The following SMAD9 variants were observed in gnomAD, a reference collection of about 807,000 sequenced individuals.
The protein encoded by SMAD9 is SMAD family member 9, also known as MAD homolog 9.
A neutral mutation model predicts 46.1 loss-of-function variants in SMAD9; 36 were observed. The ratio of observed to expected loss-of-function variants is 0.78; its 90% CI spans 0.60 to 1.03. The LOEUF is 1.03. Ranked by LOEUF, SMAD9 falls within the 50% of genes least tolerant of loss-of-function variation. The pLI is 0.00. For missense variants in SMAD9, 572 were observed against 599.8 expected (o/e 0.95, Z 0.48); for synonymous variants, 245 against 237.1 (o/e 1.03, Z -0.31).
intron 5 of SMAD9, among the ~76,000 whole-genome samples, chr13:36,860,715 A>C (rs769062724): frequency 2.0e-5 from 3 of 151,492 alleles, no homozygotes; most frequent in Admixed American, 1.3e-4. Context: ...GTCCTCCCAA[A>C]GTGCTGGGAT....
chr13:36,848,863 C>G (rs768386109), intron 6 of SMAD9, 44 bp from the exon 7 acceptor site: 1 of 1,606,448 alleles, frequency 6.2e-7, no homozygotes, highest in Non-Finnish European at 8.5e-7. Context: ...CACACTTACA[C>G]TCAGCCTCCA....
At chr13:36,886,056 T>C (rs920204560) in intron 1 of SMAD9, among the ~76,000 whole-genome samples, 3 of 152,158 alleles carry the variant, frequency 2.0e-5, no homozygotes, top group African/African-American at 4.8e-5. Context: ...ATATTGACTA[T>C]CTTCATGATA....
intron 1 of SMAD9, among the ~76,000 whole-genome samples, chr13:36,898,138 G>C (rs1314690466): frequency 6.6e-6 from 1 of 152,048 alleles, no homozygotes; most frequent in Non-Finnish European, 1.5e-5. Flanking sequence ...GATTACAGGA[G>C]TGAGCCACTG....
chr13:36,860,214 C>T (rs1423056271), intron 5 of SMAD9, among the ~76,000 whole-genome samples: 2 of 151,932 alleles, frequency 1.3e-5, no homozygotes, highest in Non-Finnish European at 2.9e-5. Flanking sequence ...ATCCTTATGT[C>T]AAGATAATTC....
chr13:36,868,251 G>A (rs1397356356), intron 3 of SMAD9, among the ~76,000 whole-genome samples: 1 of 152,214 alleles, frequency 6.6e-6, no homozygotes, highest in East Asian at 1.9e-4. Flanking sequence ...TAGGTCAGTG[G>A]TTGAATGTAG....
chr13:36,850,789 C>T (rs1325506562), intron 6 of SMAD9, among the ~76,000 whole-genome samples: 1 of 152,228 alleles, frequency 6.6e-6, no homozygotes, highest in Non-Finnish European at 1.5e-5. Flanking sequence ...AACCTCTCTC[C>T]CCGAATCCAG....
In SMAD9 at chr13:36,867,355, G is replaced by T; in HGVS notation, c.699C>A (p.Ala233=). ...CACTCTGGGTCTCAGAGGCTTCTGT[G>T]GCATGATAAGGCAGGGGTGGTGTGT... ...SVDTPPLPYH[A]TEASETQSGQ... Residue 233 remains alanine, a synonymous_variant, in exon 4 of 7, where the codon GCC becomes GCA. Coordinates refer to ENST00000379826, the MANE Select transcript of SMAD9 (RefSeq NM_001127217.3). 6.4e-7 allele frequency: 1 copy of T among 1,550,732 alleles called. No individual in the cohort carries two copies. The highest frequency in any genetic ancestry group is 8.7e-7 in the Non-Finnish European group (1 of 1,146,496).
intron 1 of SMAD9, among the ~76,000 whole-genome samples, chr13:36,886,607 G>C (rs980301256): frequency 2.6e-5 from 4 of 152,270 alleles, no homozygotes; most frequent in African/African-American, 9.6e-5. Context: ...GCCCTGCCCA[G>C]TGGGGAGCAA....
intron 3 of SMAD9, among the ~76,000 whole-genome samples, chr13:36,871,124 T>C (rs2058289393): frequency 6.6e-6 from 1 of 152,236 alleles, no homozygotes; most frequent in Non-Finnish European, 1.5e-5. Context: ...ACTGCACCTC[T>C]AGCACTGGCC....
At chr13:36,884,923 G>T (rs1231611326) in intron 1 of SMAD9, among the ~76,000 whole-genome samples, 1 of 152,170 alleles carries the variant, frequency 6.6e-6, no homozygotes, top group African/African-American at 2.4e-5. Flanking sequence ...CAGCCCAGGG[G>T]GTCAGGGAGC....
At chr13:36,861,320 AT>A (rs879623278) in intron 5 of SMAD9, among the ~76,000 whole-genome samples, 68 of 147,524 alleles carry the variant, frequency 4.6e-4, no homozygotes, top group Middle Eastern at 3.6e-3. Flanking sequence ...AATAAAAAGA[AT>A]TTTTTTTTTT....
intron 5 of SMAD9, 25 bp from the exon 6 acceptor site, chr13:36,853,700 C>A: frequency 6.2e-7 from 1 of 1,612,896 alleles, no homozygotes; most frequent in African/African-American, 1.3e-5. Context: ...ACACAGCCTT[C>A]CTTCACATGC....
chr13:36,908,924 C>CCA (rs1197440228), intron 1 of SMAD9, among the ~76,000 whole-genome samples: 30 of 152,078 alleles, frequency 2.0e-4, no homozygotes, highest in Admixed American at 1.5e-3. Context: ...CTTGGTTTAC[C>CCA]AGGCAGCCTT....
rs2058556229 is a variant in SMAD9, at chr13:36,899,510, G to A, written c.-186-19635C>T. Among the ~76,000 whole-genome samples the A allele has an allele frequency of 2.6e-5, 4 of 152,184 alleles. No individual in the cohort carries two copies. In the South Asian group the frequency reaches 8.3e-4, roughly 32 times the overall value. The stretch of plus-strand genomic sequence containing the variant: ...AGTAGGAAGAGTCCAGATTTCTTGG[G>A]CACCTGAGCATGCCATTCATGAAAA... On this transcript the variant is annotated intron_variant, in intron 1 of 6. Coordinates refer to ENST00000379826, the MANE Select transcript of SMAD9 (RefSeq NM_001127217.3).
At chr13:36,913,181 A>C (rs753114368) in intron 1 of SMAD9, among the ~76,000 whole-genome samples, 5 of 152,188 alleles carry the variant, frequency 3.3e-5, no homozygotes, top group Non-Finnish European at 7.4e-5. Flanking sequence ...GGGCCAGCTG[A>C]ATAGAGAAAT....
Position 36,853,544 on chromosome 13 carries a change from C to T in SMAD9, c.1135G>A (p.Gly379Ser), listed in dbSNP as rs267603814. Residue 379 changes from glycine to serine, a missense_variant, in exon 6 of 7, where the codon GGC becomes AGC. Physicochemically the swap from Gly to Ser is moderately conservative, Grantham distance 56. Transcript: ENST00000379826. ...TTGTTGAAGACCTTGAGGCTGCAGCCGCTGGGGATCTTGCAGACGGTAGCT... is the reference window on the plus strand; with the variant it reads ...TTGTTGAAGACCTTGAGGCTGCAGCTGCTGGGGATCTTGCAGACGGTAGCT... ...HPATVCKIPSGCSLKVFNNQL... is the reference protein window; with the variant it reads ...HPATVCKIPSSCSLKVFNNQL... 9.9e-6 allele frequency: 16 copies of T among 1,614,002 alleles called. No homozygotes were observed. The highest frequency in any genetic ancestry group is 4.0e-5 in the African/African-American group (3 of 74,896).
intron 1 of SMAD9, among the ~76,000 whole-genome samples, chr13:36,910,201 A>C (rs1197576381): frequency 6.6e-6 from 1 of 152,008 alleles, no homozygotes; most frequent in Non-Finnish European, 1.5e-5. Context: ...CGTCTCAAAA[A>C]AAAAAAAAAA....
At chr13:36,904,031 T>C (rs925454104) in intron 1 of SMAD9, among the ~76,000 whole-genome samples, 1 of 152,168 alleles carries the variant, frequency 6.6e-6, no homozygotes, top group Non-Finnish European at 1.5e-5. Context: ...ATATATATTA[T>C]GTAAACTGCC....
Position 36,872,705 on chromosome 13 carries a change from T to C in SMAD9, c.623A>G (p.His208Arg), listed in dbSNP as rs2058306698. ...SQSPCTASYPHSPGSPSEPES... is the reference protein window; with the variant it reads ...SQSPCTASYPRSPGSPSEPES... Reference sequence around the variant, plus strand: ...TGGCTCAGAAGGACTTCCTGGGGAGTGAGGGTAGCTGGCCGTGCACGGGGA... The same window carrying C: ...TGGCTCAGAAGGACTTCCTGGGGAGCGAGGGTAGCTGGCCGTGCACGGGGA... The change falls in exon 3 of 7, where the codon CAC (histidine) becomes CGC (arginine). Residue 208 changes from histidine to arginine, a missense_variant. Coordinates refer to ENST00000379826, the MANE Select transcript of SMAD9 (RefSeq NM_001127217.3). 2 of 1,612,630 alleles carry C rather than the reference T, an allele frequency of 1.2e-6. No individual in the cohort carries two copies. Among genetic ancestry groups the C allele is most frequent in the Non-Finnish European group, 1.7e-6 (2 of 1,179,744 alleles).
Sources: allele counts gnomAD v4.1 joint callset (sites outside exome capture counted in the v4.1 genomes callset), GRCh38; gene constraint gnomAD v4.1.1; transcripts MANE v1.5; gene names NCBI Gene and HGNC (gene_info 2026-07-23, HGNC 2026-07-21).